The following ANO2 variants were observed in gnomAD, a reference collection of about 807,000 sequenced individuals.
The protein encoded by ANO2 is anoctamin-2.
ANO2 carries 101 observed loss-of-function variants against 124.2 expected under a neutral mutation model. That is an observed-to-expected ratio of 0.81 (90% CI 0.69 to 0.96). The LOEUF is 0.96. ANO2 is among the 40% of genes least tolerant of loss of function. The pLI is 0.00. For synonymous variants in ANO2, 486 were observed against 482.5 expected, an observed-to-expected ratio of 1.01 and a Z score of -0.09; for missense variants, 1,293 against 1,274.5, an observed-to-expected ratio of 1.01 and a Z score of -0.22.
intron 3 of ANO2, among the ~76,000 whole-genome samples, chr12:5,858,175 T>C (rs1357713467): frequency 6.6e-6 from 1 of 152,138 alleles, no homozygotes; most frequent in Non-Finnish European, 1.5e-5. Context: ...GAAGAGAGGA[T>C]TGTGAATATT....
chr12:5,670,179 G>A (rs1333747240), intron 14 of ANO2, among the ~76,000 whole-genome samples: 5 of 152,216 alleles, frequency 3.3e-5, no homozygotes, highest in African/African-American at 4.8e-5. Context: ...CTTGACCTGA[G>A]ACTAGGTCAT....
chr12:5,585,416 A>C (rs1244829951), intron 20 of ANO2, among the ~76,000 whole-genome samples: 1 of 152,150 alleles, frequency 6.6e-6, no homozygotes, highest in African/African-American at 2.4e-5. Context: ...CTGCATGCAA[A>C]GCAATGCAAT....
intron 7 of ANO2, among the ~76,000 whole-genome samples, chr12:5,817,343 G>C (rs1953642428): frequency 6.6e-6 from 1 of 152,158 alleles, no homozygotes; most frequent in Non-Finnish European, 1.5e-5. Context: ...AACTGCTGTG[G>C]GACTAGCAGG....
intron 19 of ANO2, among the ~76,000 whole-genome samples, chr12:5,606,012 A>T (rs985152332): frequency 6.6e-6 from 1 of 152,148 alleles, no homozygotes; most frequent in African/African-American, 2.4e-5. Flanking sequence ...AGTTTTATCT[A>T]TTATCATGGC....
At chr12:5,722,830 C>G (rs1243304593) in intron 14 of ANO2, among the ~76,000 whole-genome samples, 3 of 152,182 alleles carry the variant, frequency 2.0e-5, no homozygotes, top group Admixed American at 2.0e-4. Context: ...GGGCACAAAC[C>G]AAACTGCTAG....
At chr12:5,569,650 C>A (rs901667712) in intron 23 of ANO2, among the ~76,000 whole-genome samples, 6 of 152,142 alleles carry the variant, frequency 3.9e-5, no homozygotes, top group Non-Finnish European at 8.8e-5. Context: ...GTGGAACTCC[C>A]AAAATGTGTA....
Position 5,883,474 on chromosome 12 carries a change from T to A in ANO2, c.535-29333A>T, listed in dbSNP as rs138249895. The stretch of plus-strand genomic sequence containing the variant: ...ATAGCACAAATCCTAGGGTGGTCTG[T>A]GCATGTGTGCGTGTTTGACATTAGG... On this transcript the variant is annotated intron_variant, in intron 3 of 24. Coordinates refer to ENST00000682330, the MANE Select transcript of ANO2 (RefSeq NM_001364791.2). 2.5e-3 allele frequency among the ~76,000 whole-genome samples: 379 copies of A among 151,818 alleles called. 1 individual carries two copies. Among genetic ancestry groups the A allele is most frequent in the Middle Eastern group, 3.4e-3 (1 of 294 alleles).
intron 3 of ANO2, among the ~76,000 whole-genome samples, chr12:5,896,158 T>C (rs1939770205): frequency 6.6e-6 from 1 of 152,082 alleles, no homozygotes; most frequent in East Asian, 1.9e-4. Context: ...AGACTACATA[T>C]TGGGTACAGT....
At position 5,874,004 on chromosome 12, in the gene ANO2, A is replaced by G. The variant is rs79672697; in HGVS notation, c.535-19863T>C. Among the ~76,000 whole-genome samples the G allele has an allele frequency of 4.0e-3, 604 of 152,344 alleles. 4 individuals are homozygous for G. Among genetic ancestry groups the G allele is most frequent in the African/African-American group, 0.014 (567 of 41,590 alleles). ...TGCATACTTGGGCAGACCAGGATAG[A>G]GGCCTCAATGCTCAGTGCTTTTACA... On this transcript the variant is annotated intron_variant, in intron 3 of 24. Transcript: ENST00000682330.
At chr12:5,571,831 T>C (rs1476282608) in intron 23 of ANO2, among the ~76,000 whole-genome samples, 1 of 152,148 alleles carries the variant, frequency 6.6e-6, no homozygotes, top group Non-Finnish European at 1.5e-5. Context: ...GAGAATTGAG[T>C]GACCCAGTCA....
rs1034355864 is a variant in ANO2 at position 5,900,745 on chromosome 12, C to A, written c.534+20295G>T. On this transcript the variant is annotated intron_variant, in intron 3 of 24. Transcript: ENST00000682330. This position sits in a 1 kb window ranked among gnomAD's most constrained non-coding sequence, Gnocchi z 4.2. The stretch of plus-strand genomic sequence containing the variant: ...AATGGCCAAGCACACAGCATCTTCC[C>A]AACCTCCCCTCTGGTGCTCAGTCAC... Among the ~76,000 whole-genome samples, 7 of 152,190 alleles carry A rather than the reference C, an allele frequency of 4.6e-5. No homozygotes were observed. Among genetic ancestry groups the A allele is most frequent in the African/African-American group, 1.4e-4 (6 of 41,448 alleles).
chr12:5,578,007 C>G lies in ANO2; in HGVS notation c.2387G>C (p.Gly796Ala). The G allele has an allele frequency of 1.9e-6, 3 of 1,613,742 alleles. No homozygotes were observed. In the East Asian group the frequency reaches 6.7e-5, roughly 36 times the overall value. ...TCCAGAGAGAATGTCAAACCAGATT[C>G]CTACAAGACAGAAAAGACAGCGTCT... ...RPDAVRTKDI[G>A]IWFDILSGIG... Residue 796 changes from glycine to alanine, a missense_variant and splice_region_variant, in exon 22 of 25, where the codon GGA becomes GCA. Gly to Ala is a moderately conservative substitution (Grantham distance 60). Coordinates refer to ENST00000682330, the MANE Select transcript of ANO2 (RefSeq NM_001364791.2).
intron 14 of ANO2, among the ~76,000 whole-genome samples, chr12:5,731,104 T>G (rs1950614726): frequency 1.3e-5 from 2 of 152,238 alleles, no homozygotes; most frequent in African/African-American, 4.8e-5. Context: ...CAGTGGTCAA[T>G]AAAAGTTACA....
chr12:5,931,927 A>G (rs1942413472), intron 1 of ANO2, among the ~76,000 whole-genome samples: 1 of 130,526 alleles, frequency 7.7e-6, no homozygotes, highest in East Asian at 2.4e-4. Flanking sequence ...GAAAGTGACT[A>G]ATAAGGAAAG....
chr12:5,664,857 A>G (rs1947621771), intron 14 of ANO2, among the ~76,000 whole-genome samples: 1 of 152,178 alleles, frequency 6.6e-6, no homozygotes, highest in Non-Finnish European at 1.5e-5. Context: ...GTCCTGTACT[A>G]TTTTCAGTTT....
At chr12:5,741,743 A>G (rs1371026088) in intron 12 of ANO2, among the ~76,000 whole-genome samples, 1 of 152,220 alleles carries the variant, frequency 6.6e-6, no homozygotes, top group Admixed American at 6.5e-5. Context: ...ATCACATGTC[A>G]CAAGAGCACT....
At chr12:5,779,755 A>C (rs1239999688) in intron 10 of ANO2, among the ~76,000 whole-genome samples, 2 of 152,228 alleles carry the variant, frequency 1.3e-5, no homozygotes, top group African/African-American at 4.8e-5. Context: ...GTCTTGCTAA[A>C]AGTGCATCAT....
In ANO2 at chr12:5,591,376, G is replaced by C. The variant is rs1943386671; in HGVS notation, c.2233+8108C>G. Among the ~76,000 whole-genome samples, 5 of 152,190 alleles carry C rather than the reference G, an allele frequency of 3.3e-5. No individual in the cohort carries two copies. The South Asian group carries it at 1.0e-3, about 32-fold the overall frequency. On this transcript the variant is annotated intron_variant, in intron 20 of 24. Coordinates refer to ENST00000682330, the MANE Select transcript of ANO2 (RefSeq NM_001364791.2). Reference sequence around the variant, plus strand: ...TCATGGGCTTAAAGAACATGCAATGGTTTGGGGCAAAGTCTATTGAATCTG... The same window carrying C: ...TCATGGGCTTAAAGAACATGCAATGCTTTGGGGCAAAGTCTATTGAATCTG...
chr12:5,733,490 C>T (rs1034183212), intron 13 of ANO2, among the ~76,000 whole-genome samples: 1 of 152,218 alleles, frequency 6.6e-6, no homozygotes. Flanking sequence ...ACTTCATGTT[C>T]CTGCATCGTT....
Sources: allele counts gnomAD v4.1 joint callset (sites outside exome capture counted in the v4.1 genomes callset), GRCh38; gene constraint gnomAD v4.1.1; non-coding constraint Gnocchi (gnomAD v3.1); transcripts MANE v1.5; gene names NCBI Gene and HGNC (gene_info 2026-07-23, HGNC 2026-07-21).